EBPL: variants seen among roughly 807,000 people sequenced by gnomAD.
EBPL encodes the protein EBP like.
Under a neutral mutation model 19.0 loss-of-function variants are expected in EBPL, and 20 were observed. The observed-to-expected ratio is 1.05, with a 90% confidence interval of 0.74 to 1.53. The LOEUF is 1.53. EBPL is among the 40% of genes most tolerant of loss of function. The pLI is 0.00. For missense variants in EBPL, 219 were observed against 261.1 expected (o/e 0.84, Z 1.11); for synonymous variants, 107 against 117.0 (o/e 0.91, Z 0.55).
At chr13:49,680,261 T>G (rs144597411) in intron 1 of EBPL, among the ~76,000 whole-genome samples, 1 of 152,270 alleles carries the variant, frequency 6.6e-6, no homozygotes, top group East Asian at 1.9e-4. Context: ...GTCATTTCTA[T>G]GATAACATGA....
chr13:49,685,991 C>A (rs770665434), intron 1 of EBPL, among the ~76,000 whole-genome samples: 3 of 152,078 alleles, frequency 2.0e-5, no homozygotes, highest in Admixed American at 1.3e-4. Flanking sequence ...AGCCACTGGG[C>A]CTCAAGATTT....
At chr13:49,661,808 C>G (rs993865517) in intron 3 of EBPL, 2 of 1,536,698 alleles carry the variant, frequency 1.3e-6, no homozygotes, top group South Asian at 1.2e-5. Flanking sequence ...GGGAAGGAAG[C>G]TTTAAATAAG....
At chr13:49,663,319 AC>A in intron 2 of EBPL, 124 bp from the exon 3 acceptor site, 1 of 1,276,024 alleles carries the variant, frequency 7.8e-7, no homozygotes, top group Non-Finnish European at 1.1e-6. Context: ...TGCATTCTTC[AC>A]GATGCCTTAG....
chr13:49,685,028 C>T (rs1288258409), intron 1 of EBPL, among the ~76,000 whole-genome samples: 1 of 152,154 alleles, frequency 6.6e-6, no homozygotes, highest in African/African-American at 2.4e-5. Context: ...GCCTCAGCCT[C>T]CTGAATAGCT....
chr13:49,688,764 AC>A (rs1460815610), intron 1 of EBPL, among the ~76,000 whole-genome samples: 1 of 151,424 alleles, frequency 6.6e-6, no homozygotes, highest in African/African-American at 2.4e-5. Flanking sequence ...AGGAGAGGCA[AC>A]TCATCTTCTA....
rs777329394 is a variant in EBPL at position 49,661,184 on chromosome 13, G to C, written c.405C>G (p.Cys135Trp). ...YYRHFLQITL[C>W]VCELYGCWMT... is the part of the protein sequence containing the mutation. ...TCCAGCAGCCATACAGCTCGCACAC[G>C]CACAGGGTGATCTGCAGGAAATGCC... The change falls in exon 4 of 4, where the codon TGC becomes TGG. Residue 135 changes from cysteine to tryptophan, a missense_variant. By Grantham distance (215) the Cys-to-Trp change is radical. Transcript: ENST00000242827. The C allele has an allele frequency of 1.9e-6, 3 of 1,613,764 alleles. No individual in the cohort carries two copies. Among genetic ancestry groups the C allele is most frequent in the Admixed American group, 1.7e-5 (1 of 59,944 alleles).
chr13:49,688,615 A>T (rs1954025586), intron 1 of EBPL, among the ~76,000 whole-genome samples: 1 of 149,504 alleles, frequency 6.7e-6, no homozygotes, highest in Non-Finnish European at 1.5e-5. Context: ...GCTACTCAGG[A>T]GGCTGAGGCA....
chr13:49,672,748 C>T (rs1255956945), intron 1 of EBPL, among the ~76,000 whole-genome samples: 1 of 152,154 alleles, frequency 6.6e-6, no homozygotes, highest in Non-Finnish European at 1.5e-5. Context: ...TGAGGTATGA[C>T]TGTATAAACT....
At chr13:49,678,381 G>T (rs9596168) in intron 1 of EBPL, among the ~76,000 whole-genome samples, 1 of 152,188 alleles carries the variant, frequency 6.6e-6, no homozygotes, top group Non-Finnish European at 1.5e-5. Flanking sequence ...CTGCGGAGCA[G>T]GGGGCAGTGC....
At chr13:49,685,841 C>G (rs1953990688) in intron 1 of EBPL, among the ~76,000 whole-genome samples, 1 of 151,538 alleles carries the variant, frequency 6.6e-6, no homozygotes, top group African/African-American at 2.4e-5. Flanking sequence ...CTACTGCACT[C>G]CAGCCTGGGC....
Position 49,691,448 on chromosome 13 carries a change from GCC to G in EBPL, c.-26_-25del. The G allele has an allele frequency of 7.6e-7, 1 of 1,311,294 alleles. No individual in the cohort carries two copies. The highest frequency in any genetic ancestry group is 9.7e-7 in the Non-Finnish European group (1 of 1,029,360). 81.2% of individuals were successfully genotyped at this position (1,311,294 alleles called of 1,614,324 possible). A position where few individuals can be genotyped will look rare whatever the true frequency, so the allele number is the denominator to read the frequency against. On this transcript the variant is annotated 5_prime_UTR_variant, in exon 1 of 4. The change creates a premature stop within an existing upstream ORF in the 5' untranslated region. Coordinates refer to ENST00000242827, the MANE Select transcript of EBPL (RefSeq NM_032565.5). ...ATGCTTCAGGCTTCCGACGCCAACGGCCCAGGACCATGCGGCAGAGGAAAGCA... is the reference window on the plus strand; with the variant it reads ...ATGCTTCAGGCTTCCGACGCCAACGGCAGGACCATGCGGCAGAGGAAAGCA...
At chr13:49,662,951 T>G in intron 3 of EBPL, 106 bp downstream of exon 3, 1 of 1,437,638 alleles carries the variant, frequency 7.0e-7, no homozygotes, top group Non-Finnish European at 9.3e-7. Context: ...TCTTCCACCT[T>G]TTATCTAACA....
chr13:49,663,222 C>T (rs774111178), intron 2 of EBPL, 27 bp from the exon 3 acceptor site: 1 of 1,610,086 alleles, frequency 6.2e-7, no homozygotes, highest in South Asian at 1.1e-5. Flanking sequence ...TGTTGTTACT[C>T]AAATGGCAAC....
At chr13:49,686,425 C>A in intron 1 of EBPL, 1 of 1,258,062 alleles carries the variant, frequency 7.9e-7, no homozygotes, top group South Asian at 1.3e-5. Flanking sequence ...GAGCCTCCCT[C>A]CCATCAATCC....
chr13:49,673,051 T>C (rs1360833842), intron 1 of EBPL, among the ~76,000 whole-genome samples: 1 of 151,828 alleles, frequency 6.6e-6, no homozygotes, highest in Non-Finnish European at 1.5e-5. Flanking sequence ...AGAGTGAAAC[T>C]GTGTCTCAAA....
At chr13:49,679,981 C>T (rs889074868) in intron 1 of EBPL, among the ~76,000 whole-genome samples, 19 of 152,160 alleles carry the variant, frequency 1.2e-4, no homozygotes, top group Non-Finnish European at 2.1e-4. Context: ...GAGTCGCTCA[C>T]CAATTTCCAG....
chr13:49,671,337 C>T (rs2146142), intron 1 of EBPL, among the ~76,000 whole-genome samples: 27,947 of 151,996 alleles, frequency 0.18, 3,199 homozygotes, highest in Non-Finnish European at 0.26. Context: ...TGGGATTTCA[C>T]CATGTGGGCC....
chr13:49,679,173 T>C (rs1953915892), intron 1 of EBPL, among the ~76,000 whole-genome samples: 1 of 152,210 alleles, frequency 6.6e-6, no homozygotes, highest in South Asian at 2.1e-4. Context: ...TGTGAATTCA[T>C]GCTTTATATT....
At chr13:49,661,540 T>C (rs1263150835) in intron 3 of EBPL, among the ~76,000 whole-genome samples, 1 of 152,184 alleles carries the variant, frequency 6.6e-6, no homozygotes, top group African/African-American at 2.4e-5. Context: ...AATCTCACCA[T>C]GAGCCATTAT....
Sources: gnomAD v4.1 joint callset for allele counts (sites outside exome capture counted in the v4.1 genomes callset) on GRCh38, gnomAD v4.1.1 for gene constraint, MANE v1.5 for transcripts, NCBI Gene and HGNC (gene_info 2026-07-23, HGNC 2026-07-21) for gene names.